Variants in ADCY10 observed in about 807,000 individuals in gnomAD.
ADCY10 encodes adenylate cyclase 10, also known as adenylate cyclase type 10.
ADCY10 carries 156 observed loss-of-function variants against 183.3 expected under a neutral mutation model. The observed-to-expected ratio is 0.85, with a 90% CI of 0.75 to 0.97. The LOEUF is 0.97. ADCY10 is among the 50% of genes least tolerant of loss of function. The pLI, the probability that ADCY10 is intolerant of heterozygous loss-of-function variation, is 0.00. For synonymous variants in ADCY10, 645 were observed against 670.0 expected (o/e 0.96, Z 0.58); for missense variants, 1,745 against 1,934.3 (o/e 0.90, Z 1.84).
intron 14 of ADCY10, among the ~76,000 whole-genome samples, chr1:167,869,560 C>G (rs2102139939): frequency 1.3e-5 from 2 of 152,300 alleles, no homozygotes; most frequent in South Asian, 4.2e-4. Flanking sequence ...CCTGCCTGAC[C>G]TAAGCCTGGT....
At chr1:167,836,281 G>A in intron 23 of ADCY10, 28 bp downstream of exon 23, 1 of 1,441,686 alleles carries the variant, frequency 6.9e-7, no homozygotes, top group South Asian at 1.1e-5. Flanking sequence ...TCTCTAGGGT[G>A]GAGGTGGTCT....
intron 21 of ADCY10, among the ~76,000 whole-genome samples, chr1:167,838,628 C>T (rs1400945485): frequency 6.6e-6 from 1 of 152,202 alleles, no homozygotes; most frequent in Non-Finnish European, 1.5e-5. Context: ...ACAATTTCTC[C>T]CTAGGCAGTT....
At chr1:167,909,031 C>T (rs1046782736) in intron 1 of ADCY10, among the ~76,000 whole-genome samples, 9 of 152,230 alleles carry the variant, frequency 5.9e-5, no homozygotes, top group African/African-American at 2.2e-4. Flanking sequence ...ACATTACCAG[C>T]TTTCCAGAAG....
At chr1:167,869,983 T>C (rs1666981492) in intron 14 of ADCY10, among the ~76,000 whole-genome samples, 1 of 152,188 alleles carries the variant, frequency 6.6e-6, no homozygotes, top group Non-Finnish European at 1.5e-5. Flanking sequence ...TGCCAATTGT[T>C]CTCGATCTGT....
intron 21 of ADCY10, 31 bp downstream of exon 21, chr1:167,845,532 G>C (rs1664942879): frequency 6.2e-7 from 1 of 1,610,724 alleles, no homozygotes; most frequent in Non-Finnish European, 8.5e-7. Context: ...CCCAAGAACA[G>C]TTAGGATAAT....
At position 167,883,614 on chromosome 1, in the gene ADCY10, CTGTT is replaced by C; in HGVS notation, c.839_842del (p.Lys280SerfsTer12). On this transcript the variant is annotated frameshift_variant, in exon 9 of 33. Transcript: ENST00000367851. LOFTEE classifies it high-confidence loss of function. ...GAAGCTCAGATAAATAGCCCTGAAG[CTGTT>C]TGTTATCAATCTGCAAAGTAGAGAG... 1 of 1,614,212 alleles carries C rather than the reference CTGTT, an allele frequency of 6.2e-7. No homozygotes were observed. Among genetic ancestry groups the C allele is most frequent in the South Asian group, 1.1e-5 (1 of 91,088 alleles).
Position 167,832,894 on chromosome 1 carries a change from G to A in ADCY10, c.3593+93C>T, listed in dbSNP as rs1163157032. 4 of 1,371,852 alleles carry A rather than the reference G, an allele frequency of 2.9e-6. No individual in the cohort carries two copies. In the East Asian group the frequency reaches 9.2e-5, roughly 31 times the overall value. 85.0% of individuals were successfully genotyped at this position (1,371,852 alleles called of 1,614,324 possible). A position where few individuals can be genotyped will look rare whatever the true frequency, so the allele number is the denominator to read the frequency against. ...CCAAACAGGAGTCCTTGTGCCCCCT[G>A]GAGGCCAGGCTTTGGGGGCTGACTT... is the stretch of plus-strand genomic sequence containing the variant. On this transcript the variant is annotated intron_variant, in intron 25 of 32. Transcript: ENST00000367851.
intron 18 of ADCY10, among the ~76,000 whole-genome samples, chr1:167,849,008 T>A (rs1571296870): frequency 6.6e-6 from 1 of 152,048 alleles, no homozygotes; most frequent in Non-Finnish European, 1.5e-5. Flanking sequence ...ATGTTTTGTC[T>A]CCCTCTGCCA....
At chr1:167,862,044 C>G (rs560894735) in intron 14 of ADCY10, among the ~76,000 whole-genome samples, 1 of 152,198 alleles carries the variant, frequency 6.6e-6, no homozygotes. Context: ...AACCTCTTTT[C>G]TTTATAAATT....
At chr1:167,815,379 GT>G (rs1662468751) in intron 31 of ADCY10, among the ~76,000 whole-genome samples, 1 of 152,162 alleles carries the variant, frequency 6.6e-6, no homozygotes. Flanking sequence ...ACCTCCAGGG[GT>G]TTTACTAGAG....
intron 6 of ADCY10, among the ~76,000 whole-genome samples, chr1:167,898,098 T>C (rs573774164): frequency 6.7e-6 from 1 of 149,056 alleles, no homozygotes; most frequent in African/African-American, 2.5e-5. Flanking sequence ...GTGGGAAAAC[T>C]GGTGACATTC....
intron 14 of ADCY10, among the ~76,000 whole-genome samples, chr1:167,865,800 C>A (rs945158043): frequency 1.3e-5 from 2 of 152,210 alleles, no homozygotes; most frequent in Non-Finnish European, 2.9e-5. Flanking sequence ...TATGCTTGTG[C>A]ACATGGCAGG....
intron 8 of ADCY10, among the ~76,000 whole-genome samples, chr1:167,893,330 G>A (rs747902282): frequency 1.3e-5 from 2 of 152,252 alleles, no homozygotes; most frequent in South Asian, 2.1e-4. Flanking sequence ...CCTATTTTAT[G>A]CCTGTTGTCA....
intron 28 of ADCY10, 141 bp from the exon 29 acceptor site, chr1:167,823,264 A>G (rs1319436792): frequency 1.4e-5 from 9 of 650,986 alleles, no homozygotes; most frequent in South Asian, 1.4e-4. Context: ...ATCTCCACTA[A>G]AAATACAAAA....
intron 1 of ADCY10, among the ~76,000 whole-genome samples, chr1:167,905,611 A>AC (rs996405160): frequency 6.6e-6 from 1 of 152,062 alleles, no homozygotes; most frequent in Non-Finnish European, 1.5e-5. Context: ...AAAAAAAAAA[A>AC]AGTGTAGATG....
chr1:167,907,926 G>A (rs867867106), intron 1 of ADCY10, among the ~76,000 whole-genome samples: 20 of 152,298 alleles, frequency 1.3e-4, no homozygotes, highest in African/African-American at 4.6e-4. Context: ...TCAACTCAGA[G>A]GTAAGCCTCC....
rs757560999 is a variant in ADCY10 at position 167,848,444 on chromosome 1, T to C, written c.2354A>G (p.His785Arg). The C allele has an allele frequency of 6.2e-7, 1 of 1,612,892 alleles. No homozygotes were observed. Among genetic ancestry groups the C allele is most frequent in the South Asian group, 1.1e-5 (1 of 91,058 alleles). ...GACTTCTTCACTTTCCTTATCACTA[T>C]GGAGAGTAACCATGTTTAACTTCTC... Reference protein sequence around the residue: ...LTEKLNMVTLHSDKESEEVCH... With the variant: ...LTEKLNMVTLRSDKESEEVCH... Residue 785 changes from histidine (H) to arginine (R), a missense_variant, in exon 19 of 33, where the codon CAT (histidine) becomes CGT (arginine). His to Arg is a conservative substitution (Grantham distance 29). Transcript: ENST00000367851.
intron 31 of ADCY10, among the ~76,000 whole-genome samples, chr1:167,815,389 AG>A (rs1414341136): frequency 3.3e-5 from 5 of 152,172 alleles, no homozygotes; most frequent in South Asian, 2.1e-4. Context: ...GTTTTACTAG[AG>A]TCTAACTGAT....
chr1:167,866,760 A>G (rs2102108734), intron 14 of ADCY10, among the ~76,000 whole-genome samples: 2 of 151,928 alleles, frequency 1.3e-5, no homozygotes, highest in South Asian at 4.2e-4. Context: ...TAAAAAAAAA[A>G]AAAAAAGAAT....
Sources: gnomAD v4.1 joint callset for allele counts (sites outside exome capture counted in the v4.1 genomes callset) on GRCh38, gnomAD v4.1.1 for gene constraint, MANE v1.5 for transcripts, NCBI Gene and HGNC (gene_info 2026-07-23, HGNC 2026-07-21) for gene names.